Variants in PIP5K1B observed in about 807,000 individuals in gnomAD.
PIP5K1B encodes phosphatidylinositol 4-phosphate 5-kinase type-1 beta.
Under a neutral mutation model 67.0 loss-of-function variants are expected in PIP5K1B, and 42 were observed. The observed-to-expected ratio is 0.63, with a 90% CI of 0.49 to 0.81. The LOEUF is 0.81. Ranked by LOEUF, PIP5K1B falls within the 30% of genes least tolerant of loss-of-function variation. The pLI is 0.00. For missense variants in PIP5K1B, 459 were observed against 646.3 expected (o/e 0.71, Z 3.14); for synonymous variants, 214 against 231.4 (o/e 0.92, Z 0.68).
intron 5 of PIP5K1B, among the ~76,000 whole-genome samples, chr9:68,867,115 C>T (rs11144063): frequency 2.0e-5 from 3 of 151,626 alleles, no homozygotes; most frequent in Non-Finnish European, 2.9e-5. Flanking sequence ...ACTAAAAACA[C>T]CCCATGAAAA....
intron 15 of PIP5K1B, among the ~76,000 whole-genome samples, chr9:68,991,986 G>T (rs1410600804): frequency 6.6e-6 from 1 of 151,748 alleles, no homozygotes; most frequent in Non-Finnish European, 1.5e-5. Flanking sequence ...TTGGGGGGGG[G>T]CAGAGTTTTG....
At chr9:68,800,247 G>A (rs1417125002) in intron 2 of PIP5K1B, among the ~76,000 whole-genome samples, 1 of 152,200 alleles carries the variant, frequency 6.6e-6, no homozygotes, top group East Asian at 1.9e-4. Flanking sequence ...ACAGCATGTG[G>A]TATGTGGCTA....
At chr9:68,758,767 A>G (rs1215062167) in intron 2 of PIP5K1B, among the ~76,000 whole-genome samples, 1 of 152,156 alleles carries the variant, frequency 6.6e-6, no homozygotes, top group African/African-American at 2.4e-5. Flanking sequence ...CAAGAAGCTC[A>G]TAAAACCCCA....
chr9:68,775,588 G>A (rs1830877037), intron 2 of PIP5K1B, among the ~76,000 whole-genome samples: 1 of 152,116 alleles, frequency 6.6e-6, no homozygotes, highest in Non-Finnish European at 1.5e-5. Flanking sequence ...GGAGTGCGAC[G>A]GCACCAGATT....
At chr9:68,814,911 A>G (rs930379178) in intron 2 of PIP5K1B, among the ~76,000 whole-genome samples, 2 of 152,208 alleles carry the variant, frequency 1.3e-5, no homozygotes, top group African/African-American at 4.8e-5. Context: ...TTATACCCTA[A>G]AAACACAGAA....
intron 1 of PIP5K1B, among the ~76,000 whole-genome samples, chr9:68,729,735 C>T (rs759633914): frequency 7.9e-5 from 12 of 152,032 alleles, no homozygotes; most frequent in Non-Finnish European, 1.2e-4. Context: ...TCTGAAGTAA[C>T]TGAGTCTTAA....
intron 1 of PIP5K1B, among the ~76,000 whole-genome samples, chr9:68,738,854 A>G (rs777007088): frequency 1.1e-4 from 17 of 152,170 alleles, no homozygotes; most frequent in Admixed American, 5.2e-4. Context: ...CAAGTTTCAA[A>G]CAGTGTACTT....
chr9:68,788,382 C>T (rs867504785), intron 2 of PIP5K1B: 1 of 881,610 alleles, frequency 1.1e-6, no homozygotes, highest in Non-Finnish European at 1.8e-6. Context: ...TTTCTCCATA[C>T]ATATCCAGAT....
chr9:68,802,971 T>C lies in PIP5K1B; in HGVS notation c.-85-15490T>C, dbSNP rs60824041. On this transcript the variant is annotated intron_variant, in intron 2 of 15. Coordinates refer to ENST00000265382, the MANE Select transcript of PIP5K1B (RefSeq NM_003558.4). ...GTTGTTCACCAACAAGGCAGACTAATTAGGAGGCTAGGGCAGCAATCTGTG... is the reference window on the plus strand; with the variant it reads ...GTTGTTCACCAACAAGGCAGACTAACTAGGAGGCTAGGGCAGCAATCTGTG... Among the ~76,000 whole-genome samples, 562 of 152,300 alleles carry C rather than the reference T, an allele frequency of 3.7e-3. 16 individuals are homozygous for C. In the East Asian group the frequency reaches 0.086, roughly 23 times the overall value.
At chr9:68,854,180 A>T (rs1413833974) in intron 4 of PIP5K1B, among the ~76,000 whole-genome samples, 1 of 147,920 alleles carries the variant, frequency 6.8e-6, no homozygotes, top group Non-Finnish European at 1.5e-5. Flanking sequence ...ATCCAAGCTG[A>T]AATGCAGTGG....
At chr9:68,811,647 C>A (rs1833173697) in intron 2 of PIP5K1B, among the ~76,000 whole-genome samples, 2 of 152,186 alleles carry the variant, frequency 1.3e-5, no homozygotes, top group South Asian at 4.1e-4. Flanking sequence ...TCTCTTGTGC[C>A]TGCAGCCCTA....
chr9:68,866,941 G>A (rs1257597223), intron 5 of PIP5K1B, among the ~76,000 whole-genome samples: 2 of 152,120 alleles, frequency 1.3e-5, no homozygotes, highest in Non-Finnish European at 1.5e-5. Context: ...CAATATTGCT[G>A]GGGTCAAAAC....
Position 68,818,441 on chromosome 9 carries a change from A to G in PIP5K1B, c.-85-20A>G, listed in dbSNP as rs908267041. The G allele has an allele frequency of 1.3e-5, 2 of 152,488 alleles. No homozygotes were observed. Among genetic ancestry groups the G allele is most frequent in the African/African-American group, 4.8e-5 (2 of 41,468 alleles). The allele number at this position is 152,488 out of a possible 1,614,324, so 9.4% of individuals were successfully genotyped here. On this transcript the variant is annotated intron_variant, in intron 2 of 15. Transcript: ENST00000265382. ...GTAGGGATATGAATAAATGATGACC[A>G]GAAATTTCTATTTTAACAGAAACCT...
intron 14 of PIP5K1B, among the ~76,000 whole-genome samples, chr9:68,954,724 T>C (rs1214953833): frequency 6.6e-6 from 1 of 152,206 alleles, no homozygotes; most frequent in Non-Finnish European, 1.5e-5. Flanking sequence ...AAAATGTTGA[T>C]ACGACAGCAG....
chr9:69,005,885 T>C (rs1370218510), intron 15 of PIP5K1B, among the ~76,000 whole-genome samples: 1 of 151,884 alleles, frequency 6.6e-6, no homozygotes, highest in Non-Finnish European at 1.5e-5. Context: ...TTCTTTCTTT[T>C]TTTTTTTCTT....
At chr9:68,744,230 T>G (rs546235522) in intron 2 of PIP5K1B, among the ~76,000 whole-genome samples, 1 of 152,174 alleles carries the variant, frequency 6.6e-6, no homozygotes, top group Admixed American at 6.5e-5. Context: ...CTGGGCCTCA[T>G]TTTTGGAAAG....
At chr9:68,818,366 T>C (rs2132054994) in intron 2 of PIP5K1B, 95 bp from the exon 3 acceptor site, 1 of 152,400 alleles carries the variant, frequency 6.6e-6, no homozygotes, top group Non-Finnish European at 1.5e-5. Flanking sequence ...TTTAACTGCT[T>C]ATGTTGCATG....
intron 7 of PIP5K1B, among the ~76,000 whole-genome samples, chr9:68,890,933 T>G (rs930624879): frequency 1.3e-5 from 2 of 152,182 alleles, no homozygotes; most frequent in Admixed American, 1.3e-4. Context: ...ATTTGACTAC[T>G]TATATTTAAT....
At chr9:68,708,546 C>CCG (rs1827236733) in intron 1 of PIP5K1B, among the ~76,000 whole-genome samples, 2 of 147,810 alleles carry the variant, frequency 1.4e-5, no homozygotes, top group South Asian at 4.4e-4. Context: ...TTGCCGCCCC[C>CCG]CCGCCCCTTT....
Sources: allele counts gnomAD v4.1 joint callset (sites outside exome capture counted in the v4.1 genomes callset), GRCh38; gene constraint gnomAD v4.1.1; transcripts MANE v1.5; gene names NCBI Gene and HGNC (gene_info 2026-07-23, HGNC 2026-07-21).